Variants in GALNT13 observed in about 807,000 individuals in gnomAD.
GALNT13 encodes the protein polypeptide N-acetylgalactosaminyltransferase 13.
A neutral mutation model predicts 64.2 loss-of-function variants in GALNT13; 28 were observed. The ratio of observed to expected loss-of-function variants is 0.44; its 90% CI spans 0.32 to 0.60. The LOEUF is 0.60. Ranked by LOEUF, GALNT13 falls within the 20% of genes least tolerant of loss-of-function variation. The pLI, the probability that GALNT13 is intolerant of heterozygous loss-of-function variation, is 0.05. For missense variants in GALNT13, 577 were observed against 669.8 expected, an observed-to-expected ratio of 0.86 and a Z score of 1.53; for synonymous variants, 214 against 224.6, an observed-to-expected ratio of 0.95 and a Z score of 0.42.
At chr2:153,158,072 T>C in the GALNT13 span, among the ~76,000 whole-genome samples, 2 of 152,202 alleles carry the variant, frequency 1.3e-5, no homozygotes, top group Non-Finnish European at 2.9e-5. Flanking sequence ...CTCAGTTTGC[T>C]TTATGAACAA....
At chr2:153,218,522 T>C in the GALNT13 span, among the ~76,000 whole-genome samples, 1 of 152,194 alleles carries the variant, frequency 6.6e-6, no homozygotes, top group African/African-American at 2.4e-5. Context: ...TGGTTCCTTC[T>C]GGGTGATAGG....
At chr2:154,328,386 A>G (rs552159895) in intron 9 of GALNT13, among the ~76,000 whole-genome samples, 1 of 152,234 alleles carries the variant, frequency 6.6e-6, no homozygotes, top group Admixed American at 6.5e-5. Context: ...TCACTGGCAT[A>G]TAATGTTCTA....
chr2:153,137,948 G>A, the GALNT13 span, among the ~76,000 whole-genome samples: 15 of 152,026 alleles, frequency 9.9e-5, 1 homozygote, highest in African/African-American at 3.6e-4. Flanking sequence ...ATTCCAATGC[G>A]TACTTCATGT....
intron 8 of GALNT13, among the ~76,000 whole-genome samples, chr2:154,293,245 C>T (rs1692741558): frequency 6.6e-6 from 1 of 152,078 alleles, no homozygotes; most frequent in Non-Finnish European, 1.5e-5. Context: ...TCAGCTTATA[C>T]AGTTTGTTCA....
intron 2 of GALNT13, among the ~76,000 whole-genome samples, chr2:153,903,762 T>C (rs1454781366): frequency 6.6e-6 from 1 of 152,034 alleles, no homozygotes; most frequent in Non-Finnish European, 1.5e-5. Flanking sequence ...ACCTACATAA[T>C]TATTACTCTT....
At chr2:153,100,046 G>A in the GALNT13 span, among the ~76,000 whole-genome samples, 3 of 152,202 alleles carry the variant, frequency 2.0e-5, no homozygotes, top group South Asian at 6.2e-4. Context: ...CTCATTTAGT[G>A]CAAACATAAT....
chr2:153,543,261 A>G, the GALNT13 span, among the ~76,000 whole-genome samples: 1 of 152,168 alleles, frequency 6.6e-6, no homozygotes, highest in Non-Finnish European at 1.5e-5. Context: ...TGGCCAGAGA[A>G]GAATCATCTC....
the GALNT13 span, among the ~76,000 whole-genome samples, chr2:153,191,145 A>G: frequency 9.2e-5 from 14 of 152,092 alleles, no homozygotes; most frequent in Middle Eastern, 3.4e-3. Flanking sequence ...ATCCTTGTCT[A>G]GTTCCAGTTC....
the GALNT13 span, among the ~76,000 whole-genome samples, chr2:153,130,094 GA>G: frequency 6.6e-6 from 1 of 152,054 alleles, no homozygotes; most frequent in African/African-American, 2.4e-5. Context: ...GTGCATCAGC[GA>G]ATCCTGCTAA....
the GALNT13 span, among the ~76,000 whole-genome samples, chr2:153,682,608 A>G: frequency 4.6e-5 from 7 of 151,920 alleles, no homozygotes; most frequent in South Asian, 1.4e-3. Context: ...ATTTTCATCA[A>G]TGATTACATA....
chr2:154,219,763 G>T (rs969268040), intron 4 of GALNT13, among the ~76,000 whole-genome samples: 2 of 152,104 alleles, frequency 1.3e-5, no homozygotes, highest in Admixed American at 1.3e-4. Flanking sequence ...GCCATGGTTA[G>T]GTCCTATTCC....
intron 2 of GALNT13, among the ~76,000 whole-genome samples, chr2:153,910,036 T>C (rs1358865280): frequency 6.6e-6 from 1 of 152,018 alleles, no homozygotes; most frequent in Non-Finnish European, 1.5e-5. Flanking sequence ...CTGGTAGACT[T>C]TGTCGGTGAA....
At chr2:153,656,426 T>C in the GALNT13 span, among the ~76,000 whole-genome samples, 922 of 152,118 alleles carry the variant, frequency 6.1e-3, 12 homozygotes, top group African/African-American at 0.021. Context: ...AAAAAAAGTT[T>C]GAAAAATACT....
the GALNT13 span, among the ~76,000 whole-genome samples, chr2:153,815,042 GC>G: frequency 6.6e-6 from 1 of 152,108 alleles, no homozygotes; most frequent in Non-Finnish European, 1.5e-5. Context: ...ATATTTAAAT[GC>G]TAAATACAGC....
the GALNT13 span, among the ~76,000 whole-genome samples, chr2:153,723,126 CT>C: frequency 7.0e-6 from 1 of 142,814 alleles, no homozygotes; most frequent in South Asian, 2.4e-4. Flanking sequence ...GGCTTCATCC[CT>C]GGGATGCAAG....
intron 3 of GALNT13, among the ~76,000 whole-genome samples, chr2:153,945,704 G>T (rs760677996): frequency 3.3e-5 from 5 of 152,100 alleles, no homozygotes; most frequent in Non-Finnish European, 7.4e-5. Context: ...AAACAGAAGA[G>T]CATTTCCAAA....
At chr2:154,393,776 C>T (rs1463134631) in intron 9 of GALNT13, among the ~76,000 whole-genome samples, 1 of 152,124 alleles carries the variant, frequency 6.6e-6, no homozygotes, top group African/African-American at 2.4e-5. Context: ...TTTCTCTGAC[C>T]TCATATAAAA....
At chr2:154,365,537 G>C (rs1270535480) in intron 9 of GALNT13, among the ~76,000 whole-genome samples, 1 of 152,136 alleles carries the variant, frequency 6.6e-6, no homozygotes, top group Non-Finnish European at 1.5e-5. Context: ...TAAAGGGTAA[G>C]TATTCCCAAT....
At chr2:153,109,079 A>C in the GALNT13 span, among the ~76,000 whole-genome samples, 1 of 152,198 alleles carries the variant, frequency 6.6e-6, no homozygotes, top group Non-Finnish European at 1.5e-5. Flanking sequence ...AGAGATGTCT[A>C]GATTGACTTG....
Sources: allele counts gnomAD v4.1 joint callset (sites outside exome capture counted in the v4.1 genomes callset), GRCh38; gene constraint gnomAD v4.1.1; transcripts MANE v1.5; gene names NCBI Gene and HGNC (gene_info 2026-07-23, HGNC 2026-07-21).